MTOR: variants seen among roughly 807,000 people sequenced by gnomAD.
The protein encoded by MTOR is mechanistic target of rapamycin kinase, also known as serine/threonine-protein kinase mTOR.
A neutral mutation model predicts 319.8 loss-of-function variants in MTOR; 70 were observed. The observed-to-expected ratio is 0.22, with a 90% CI of 0.18 to 0.27. The LOEUF (loss-of-function observed/expected upper bound fraction) is 0.27, where lower values mean the gene tolerates loss of function less well. MTOR is among the 10% of genes least tolerant of loss of function. MTOR has a pLI of 1.00. For synonymous variants in MTOR, 1,183 were observed against 1,211.4 expected, an observed-to-expected ratio of 0.98 and a Z score of 0.49; for missense variants, 1,890 against 3,274.4, an observed-to-expected ratio of 0.58 and a Z score of 10.32.
chr1:11,204,464 A>G, intron 26 of MTOR, 97 bp downstream of exon 26: 1 of 1,425,038 alleles, frequency 7.0e-7, no homozygotes, highest in Non-Finnish European at 9.3e-7. Context: ...GAAAAATTAA[A>G]AATACCAGCC....
rs1009739182 is a variant in MTOR at position 11,128,357 on chromosome 1, C to T, written c.5910+97G>A. On this transcript the variant is annotated intron_variant, in intron 42 of 57. Transcript: ENST00000361445. The surrounding 1 kb of genome is among the most constrained non-coding windows in gnomAD (Gnocchi z 5.3). Reference sequence around the variant, plus strand: ...TCCTGGGCCAGGATGGAACACATGGCTCCCAGTTCCTGCGCTTGTGTCGCC... The same window carrying T: ...TCCTGGGCCAGGATGGAACACATGGTTCCCAGTTCCTGCGCTTGTGTCGCC... The T allele has an allele frequency of 2.2e-6, 3 of 1,338,684 alleles. No homozygotes were observed. The highest frequency in any genetic ancestry group is 3.2e-6 in the Non-Finnish European group (3 of 944,774). 82.9% of individuals were successfully genotyped at this position (1,338,684 alleles called of 1,614,324 possible).
intron 32 of MTOR, among the ~76,000 whole-genome samples, chr1:11,145,542 GC>G (rs1244358255): frequency 4.6e-5 from 7 of 151,658 alleles, no homozygotes; most frequent in Admixed American, 1.3e-4. Context: ...CCGCCACCAC[GC>G]CCAGCTAATT....
intron 25 of MTOR, among the ~76,000 whole-genome samples, chr1:11,206,152 G>A (rs1485593408): frequency 6.6e-6 from 1 of 152,212 alleles, no homozygotes; most frequent in East Asian, 1.9e-4. Flanking sequence ...TTGCTCTGTT[G>A]AGCACAATGG....
chr1:11,137,152 TAAAAAAAAAAAA>T (rs33927011), intron 36 of MTOR, among the ~76,000 whole-genome samples: 2 of 73,374 alleles, frequency 2.7e-5, no homozygotes, highest in African/African-American at 5.1e-5. Flanking sequence ...TAAATCTGAT[TAAAAAAAAAAAA>T]AAAAAAAAAA....
chr1:11,254,103 A>C (rs1650049278), intron 5 of MTOR, 130 bp from the exon 6 acceptor site: 1 of 1,011,846 alleles, frequency 9.9e-7, no homozygotes, highest in African/African-American at 1.6e-5. Context: ...CCAGTCATCA[A>C]CAAAACTAAC....
In MTOR at chr1:11,198,554, G is replaced by A. The variant is rs143881825; in HGVS notation, c.4253+704C>T. On this transcript the variant is annotated intron_variant, in intron 28 of 57. Transcript: ENST00000361445. ...CTAAACTATCTGCAGTGAAATGACCGACCATTTAGCATTCACATGAAGATA... is the reference window on the plus strand; with the variant it reads ...CTAAACTATCTGCAGTGAAATGACCAACCATTTAGCATTCACATGAAGATA... Among the ~76,000 whole-genome samples, 271 of 152,196 alleles carry A rather than the reference G, an allele frequency of 1.8e-3. 1 individual carries two copies. The highest frequency in any genetic ancestry group is 6.2e-3 in the African/African-American group (259 of 41,532).
chr1:11,132,174 C>T (rs1399517428), intron 38 of MTOR: 3 of 152,148 alleles, frequency 2.0e-5, no homozygotes, highest in African/African-American at 7.2e-5. Context: ...TTGTGATTTG[C>T]TTACTTCCTA....
chr1:11,147,936 G>C (rs554370624), intron 31 of MTOR, among the ~76,000 whole-genome samples: 1 of 152,340 alleles, frequency 6.6e-6, no homozygotes, highest in East Asian at 1.9e-4. Flanking sequence ...AGGTGGGTAA[G>C]AATTGGGCAG....
intron 49 of MTOR, among the ~76,000 whole-genome samples, chr1:11,120,086 A>T (rs1010974767): frequency 1.3e-4 from 20 of 150,884 alleles, no homozygotes; most frequent in African/African-American, 4.6e-4. Context: ...TATATATATA[A>T]AATTGCTTTG....
At chr1:11,214,843 GC>G in intron 20 of MTOR, among the ~76,000 whole-genome samples, 1 of 152,200 alleles carries the variant, frequency 6.6e-6, no homozygotes, top group South Asian at 2.1e-4. Flanking sequence ...ACCCTACTCT[GC>G]CTTCTTTAGA....
At position 11,133,271 on chromosome 1, in the gene MTOR, AG is replaced by A. The variant is rs1643248561; in HGVS notation, c.5247-75del. The A allele has an allele frequency of 2.3e-6, 3 of 1,281,504 alleles. No individual in the cohort carries two copies. Among genetic ancestry groups the A allele is most frequent in the Non-Finnish European group, 3.4e-6 (3 of 883,148 alleles). 79.4% of individuals were successfully genotyped at this position (1,281,504 alleles called of 1,614,324 possible). On this transcript the variant is annotated intron_variant, in intron 37 of 57. Coordinates refer to ENST00000361445, the MANE Select transcript of MTOR (RefSeq NM_004958.4). This position sits in a 1 kb window ranked among gnomAD's most constrained non-coding sequence, Gnocchi z 4.0. ...CCTCCTAAGAGGACCACAAATTGTT[AG>A]GGGACACTGAAGCCCTTCTGGTATT...
At chr1:11,108,893 CAGG>C (rs1641715055) in intron 56 of MTOR, among the ~76,000 whole-genome samples, 1 of 151,914 alleles carries the variant, frequency 6.6e-6, no homozygotes, top group Non-Finnish European at 1.5e-5. Flanking sequence ...GAGGCTGAGG[CAGG>C]AGAATTGTTT....
intron 19 of MTOR, among the ~76,000 whole-genome samples, chr1:11,216,438 G>C (rs150010685): frequency 4.6e-5 from 7 of 152,278 alleles, no homozygotes; most frequent in African/African-American, 1.7e-4. Context: ...AGGACTGCTT[G>C]AGGCCAAGAT....
chr1:11,150,233 A>C lies in MTOR; in HGVS notation c.4470-7T>G. The C allele has an allele frequency of 2.5e-6, 4 of 1,610,358 alleles. No homozygotes were observed. Among genetic ancestry groups the C allele is most frequent in the Non-Finnish European group, 3.4e-6 (4 of 1,177,554 alleles). On this transcript the variant is annotated splice_polypyrimidine_tract_variant and splice_region_variant and intron_variant, in intron 30 of 57. Coordinates refer to ENST00000361445, the MANE Select transcript of MTOR (RefSeq NM_004958.4). ...CTGCTGGTGGAGTTGACCCCTGAAGAAAATGAATTATATAGTCAGATTAAT... is the reference window on the plus strand; with the variant it reads ...CTGCTGGTGGAGTTGACCCCTGAAGCAAATGAATTATATAGTCAGATTAAT...
At chr1:11,244,193 G>A (rs1417685068) in intron 8 of MTOR, among the ~76,000 whole-genome samples, 2 of 150,864 alleles carry the variant, frequency 1.3e-5, no homozygotes, top group East Asian at 4.0e-4. Context: ...TCAGGAGACT[G>A]AGGCAGGAGA....
At position 11,192,281 on chromosome 1, in the gene MTOR, G is replaced by A. The variant is rs749392422; in HGVS notation, c.4253+6977C>T. On this transcript the variant is annotated intron_variant, in intron 28 of 57. Transcript: ENST00000361445. The stretch of plus-strand genomic sequence containing the variant: ...TTGTTCTCTTGTAGATGCCATCTAC[G>A]ACTGCTCTTCCCTCTACCAGAAGAA... The A allele has an allele frequency of 1.9e-5, 31 of 1,613,182 alleles. No individual in the cohort carries two copies. The East Asian group carries it at 4.5e-4, about 23-fold the overall frequency.
rs558104503 is a variant in MTOR at position 11,260,166 on chromosome 1, A to T, written c.-14-743T>A. 2.0e-5 allele frequency among the ~76,000 whole-genome samples: 3 copies of T among 152,364 alleles called. No individual in the cohort carries two copies. The South Asian group carries it at 6.2e-4, about 32-fold the overall frequency. On this transcript the variant is annotated intron_variant, in intron 1 of 57. Coordinates refer to ENST00000361445, the MANE Select transcript of MTOR (RefSeq NM_004958.4). ...AGGTAACAAATGTCAGGAGGTAGGG[A>T]AAGAATTAAAAATGACTAAGACTGC...
At chr1:11,257,197 T>A in intron 3 of MTOR, 32 bp from the exon 4 acceptor site, 1 of 1,569,192 alleles carries the variant, frequency 6.4e-7, no homozygotes. Flanking sequence ...AAGGTGATGA[T>A]GGGGCGTATG....
chr1:11,129,887 T>A lies in MTOR; in HGVS notation c.5614-49A>T, dbSNP rs2100425223. 6.5e-7 allele frequency: 1 copy of A among 1,540,306 alleles called. No homozygotes were observed. The highest frequency in any genetic ancestry group is 2.2e-5 in the East Asian group (1 of 44,454). On this transcript the variant is annotated intron_variant, in intron 39 of 57. Coordinates refer to ENST00000361445, the MANE Select transcript of MTOR (RefSeq NM_004958.4). The surrounding 1 kb of genome is among the most constrained non-coding windows in gnomAD (Gnocchi z 4.7). ...CGACACTCTTGCCTCTGCTTTCTCATCTGTAAAATGGGCATAAGAGCATAC... is the reference window on the plus strand; with the variant it reads ...CGACACTCTTGCCTCTGCTTTCTCAACTGTAAAATGGGCATAAGAGCATAC...
Sources: allele counts gnomAD v4.1 joint callset (sites outside exome capture counted in the v4.1 genomes callset), GRCh38; gene constraint gnomAD v4.1.1; non-coding constraint Gnocchi (gnomAD v3.1); transcripts MANE v1.5; gene names NCBI Gene and HGNC (gene_info 2026-07-23, HGNC 2026-07-21).